CSGALNACT1: variants seen among roughly 807,000 people sequenced by gnomAD.
CSGALNACT1 encodes chondroitin sulfate N-acetylgalactosaminyltransferase 1.
CSGALNACT1 carries 52 observed loss-of-function variants against 51.0 expected under a neutral mutation model. The observed-to-expected ratio is 1.02, with a 90% CI of 0.82 to 1.29. CSGALNACT1 has a LOEUF of 1.29. CSGALNACT1 is among the 50% of genes most tolerant of loss of function. The pLI is 0.00. For synonymous variants in CSGALNACT1, 341 were observed against 254.4 expected (o/e 1.34, Z -3.24); for missense variants, 935 against 679.2 (o/e 1.38, Z -4.19).
At chr8:19,473,560 C>G (rs986410802) in intron 4 of CSGALNACT1, among the ~76,000 whole-genome samples, 4 of 152,190 alleles carry the variant, frequency 2.6e-5, no homozygotes, top group Non-Finnish European at 5.9e-5. Flanking sequence ...GACTTTCTAC[C>G]ACCTTAAATA....
At chr8:19,720,865 T>C (rs1389124159) in intron 1 of CSGALNACT1, among the ~76,000 whole-genome samples, 3 of 152,304 alleles carry the variant, frequency 2.0e-5, no homozygotes, top group African/African-American at 7.2e-5. Context: ...TGATGAAGAA[T>C]CTGAGCCAGA....
chr8:19,466,149 AT>A (rs1409734651), intron 4 of CSGALNACT1, among the ~76,000 whole-genome samples: 5 of 152,224 alleles, frequency 3.3e-5, no homozygotes, highest in African/African-American at 1.2e-4. Context: ...TGGAAAAAAA[AT>A]ATACATGTTC....
At chr8:19,716,693 G>C (rs1020874719) in intron 1 of CSGALNACT1, among the ~76,000 whole-genome samples, 7 of 149,104 alleles carry the variant, frequency 4.7e-5, no homozygotes, top group South Asian at 2.1e-4. Flanking sequence ...TCAGGAGACT[G>C]AGGCATGAGA....
intron 3 of CSGALNACT1, among the ~76,000 whole-genome samples, chr8:19,536,890 C>T (rs2083861858): frequency 6.6e-6 from 1 of 152,140 alleles, no homozygotes; most frequent in South Asian, 2.1e-4. Flanking sequence ...CACAAAGGTA[C>T]AGAAGTAATT....
chr8:19,514,640 G>A (rs1362869591), intron 3 of CSGALNACT1, among the ~76,000 whole-genome samples: 1 of 147,708 alleles, frequency 6.8e-6, no homozygotes, highest in Non-Finnish European at 1.5e-5. Context: ...GGCCAACATG[G>A]TGAAACCCCG....
intron 1 of CSGALNACT1, among the ~76,000 whole-genome samples, chr8:19,696,385 G>C (rs959198483): frequency 1.7e-4 from 26 of 152,140 alleles, no homozygotes; most frequent in Non-Finnish European, 2.2e-4. Flanking sequence ...TGAATTAAAG[G>C]CAGGCCTTCC....
chr8:19,575,653 T>G (rs1228210597), intron 3 of CSGALNACT1, among the ~76,000 whole-genome samples: 1 of 152,204 alleles, frequency 6.6e-6, no homozygotes, highest in Non-Finnish European at 1.5e-5. Context: ...CTGAGAAATT[T>G]TGTTAGAAGT....
intron 3 of CSGALNACT1, among the ~76,000 whole-genome samples, chr8:19,516,802 C>T (rs993036738): frequency 2.0e-5 from 3 of 152,206 alleles, no homozygotes; most frequent in African/African-American, 7.2e-5. Context: ...GATGGGAGCC[C>T]CCAGGAGGGG....
intron 1 of CSGALNACT1, among the ~76,000 whole-genome samples, chr8:19,619,283 T>C (rs954802382): frequency 4.0e-5 from 6 of 148,842 alleles, no homozygotes; most frequent in Non-Finnish European, 5.9e-5. Flanking sequence ...AGCACAGACA[T>C]GAGAAAGCAT....
intron 4 of CSGALNACT1, among the ~76,000 whole-genome samples, chr8:19,472,394 G>A (rs965779077): frequency 6.6e-6 from 1 of 152,220 alleles, no homozygotes; most frequent in African/African-American, 2.4e-5. Flanking sequence ...TCGTCCATAT[G>A]CAACTTACCA....
chr8:19,495,671 G>A (rs1439177103), intron 4 of CSGALNACT1, among the ~76,000 whole-genome samples: 1 of 152,186 alleles, frequency 6.6e-6, no homozygotes, highest in South Asian at 2.1e-4. Context: ...AGAAGCTACT[G>A]ACTGGCAAAG....
intron 1 of CSGALNACT1, among the ~76,000 whole-genome samples, chr8:19,675,290 GAT>G (rs1335032943): frequency 6.6e-6 from 1 of 152,194 alleles, no homozygotes; most frequent in African/African-American, 2.4e-5. Flanking sequence ...AGTAACCTAA[GAT>G]AGGGTTAATT....
rs1488910054 is a variant in CSGALNACT1, at chr8:19,657,017, C to T, written c.-544+25456G>A. ...GGCAGAGGTTGCAGTGAGCCGAAAT[C>T]ATGCCACTGCACTCCAGCCCAGGCA... is the stretch of plus-strand genomic sequence containing the variant. On this transcript the variant is annotated intron_variant, in intron 1 of 9. Transcript: ENST00000332246. 3.4e-5 allele frequency among the ~76,000 whole-genome samples: 5 copies of T among 148,264 alleles called. No individual in the cohort carries two copies. In the East Asian group the frequency reaches 1.0e-3, roughly 30 times the overall value.
At chr8:19,751,189 G>A (rs2065004410) in intron 1 of CSGALNACT1, among the ~76,000 whole-genome samples, 5 of 152,122 alleles carry the variant, frequency 3.3e-5, no homozygotes, top group Admixed American at 3.3e-4. Context: ...TCAGGTCCTG[G>A]AGCCAGGCAG....
rs190312793 is a variant in CSGALNACT1, at chr8:19,465,339, G to A, written c.635-6697C>T. 2.6e-5 allele frequency among the ~76,000 whole-genome samples: 4 copies of A among 152,214 alleles called. No homozygotes were observed. The East Asian group carries it at 7.8e-4, about 30-fold the overall frequency. Reference sequence around the variant, plus strand: ...TGTAGAATAGAGGTTGCCAGGGGCTGGGGAAGCAGGGACTGGGGAGTGAGT... The same window carrying A: ...TGTAGAATAGAGGTTGCCAGGGGCTAGGGAAGCAGGGACTGGGGAGTGAGT... On this transcript the variant is annotated intron_variant, in intron 4 of 9. Coordinates refer to ENST00000454498, the Ensembl canonical transcript of CSGALNACT1.
chr8:19,496,011 G>T (rs1036270588), intron 4 of CSGALNACT1, among the ~76,000 whole-genome samples: 1 of 152,184 alleles, frequency 6.6e-6, no homozygotes, highest in African/African-American at 2.4e-5. Flanking sequence ...GTGAAAGGAA[G>T]AAAGTTCGGA....
chr8:19,662,669 G>A (rs73599234), intron 1 of CSGALNACT1, among the ~76,000 whole-genome samples: 1 of 152,190 alleles, frequency 6.6e-6, no homozygotes, highest in African/African-American at 2.4e-5. Flanking sequence ...CTGCTAAGTG[G>A]ATGCTAGGGT....
rs4322019 is a variant in CSGALNACT1 at position 19,497,210 on chromosome 8, G to A, written c.634+7991C>T. On this transcript the variant is annotated intron_variant, in intron 4 of 9. Coordinates refer to ENST00000454498, the Ensembl canonical transcript of CSGALNACT1. ...CCTGCCCTGCACAGACAGTTAAGCT[G>A]GTAAGCTGTGAATAACAAGAAACAG... 1.9e-3 allele frequency among the ~76,000 whole-genome samples: 287 copies of A among 152,242 alleles called. 5 individuals are homozygous for A. The highest frequency in any genetic ancestry group is 0.017 in the Admixed American group (261 of 15,302).
At chr8:19,573,761 A>T (rs1161249616) in intron 3 of CSGALNACT1, among the ~76,000 whole-genome samples, 4 of 152,086 alleles carry the variant, frequency 2.6e-5, no homozygotes, top group Admixed American at 2.6e-4. Context: ...CTCTCCTTCC[A>T]GTGATAGGCT....
Sources: allele counts gnomAD v4.1 joint callset (sites outside exome capture counted in the v4.1 genomes callset), GRCh38; gene constraint gnomAD v4.1.1; transcripts MANE v1.5; gene names NCBI Gene and HGNC (gene_info 2026-07-23, HGNC 2026-07-21).